LPIN2: variants seen among roughly 807,000 people sequenced by gnomAD.
LPIN2 encodes phosphatidate phosphatase LPIN2.
A neutral mutation model predicts 111.4 loss-of-function variants in LPIN2; 55 were observed. That is an observed-to-expected ratio of 0.49 (90% CI 0.40 to 0.62). The LOEUF (loss-of-function observed/expected upper bound fraction) is 0.62, where lower values mean the gene tolerates loss of function less well. LPIN2 is among the 20% of genes least tolerant of loss of function. The pLI, the probability that LPIN2 is intolerant of heterozygous loss-of-function variation, is 0.00. For missense variants in LPIN2, 992 were observed against 1,112.1 expected (o/e 0.89, Z 1.54); for synonymous variants, 425 against 414.0 (o/e 1.03, Z -0.32).
At chr18:2,994,038 T>C (rs550726136) in intron 1 of LPIN2, among the ~76,000 whole-genome samples, 2 of 152,308 alleles carry the variant, frequency 1.3e-5, no homozygotes, top group African/African-American at 4.8e-5. Flanking sequence ...CCAGCCAAAG[T>C]AGTTAAAACA....
At position 2,922,219 on chromosome 18, in the gene LPIN2, G is replaced by A; in HGVS notation, c.2175-20C>T. ...CCATTCCTGAAAGAAAACACACCCT[G>A]TTAGCCCACATGTTCTGGCTAAGGG... is the stretch of plus-strand genomic sequence containing the variant. On this transcript the variant is annotated intron_variant, in intron 16 of 19. Coordinates refer to ENST00000677752, the MANE Select transcript of LPIN2 (RefSeq NM_001375808.2). The A allele has an allele frequency of 6.2e-7, 1 of 1,612,902 alleles. No homozygotes were observed.
Position 2,935,776 on chromosome 18 carries a change from C to T in LPIN2, c.1169-1326G>A, listed in dbSNP as rs200538764. Among the ~76,000 whole-genome samples, 51 of 152,020 alleles carry T rather than the reference C, an allele frequency of 3.4e-4. No individual in the cohort carries two copies. The East Asian group carries it at 9.7e-3, about 29-fold the overall frequency. On this transcript the variant is annotated intron_variant, in intron 7 of 19. Transcript: ENST00000677752. ...TTTCAAATGTTTTATTAATAAAACA[C>T]TGTATGTGGATGAATGGAGAGATGT...
In LPIN2 at chr18:2,926,757, G is replaced by A; in HGVS notation, c.1759C>T (p.Leu587=). ...GKSEAPPASD[L]PSSSKEPAGA... is the part of the protein sequence containing the mutation. ...GCCGGCTCCTTGGAGCTGGATGGCA[G>A]GTCACTGGCTGGCGGTGCCTCAGAT... The change falls in exon 13 of 20, where the codon CTG becomes TTG. Residue 587 remains leucine (L), a synonymous_variant. Coordinates refer to ENST00000677752, the MANE Select transcript of LPIN2 (RefSeq NM_001375808.2). 6.2e-7 allele frequency: 1 copy of A among 1,613,698 alleles called. No individual in the cohort carries two copies. The highest frequency in any genetic ancestry group is 8.5e-7 in the Non-Finnish European group (1 of 1,180,006).
At chr18:2,958,166 A>AAAAAAAAAAAAAC (rs1568571302) in intron 2 of LPIN2, among the ~76,000 whole-genome samples, 4 of 146,090 alleles carry the variant, frequency 2.7e-5, no homozygotes, top group East Asian at 2.1e-4. Flanking sequence ...AACAACAAAA[A>AAAAAAAAAAAAAC]AAAAAAACAG....
Position 2,917,025 on chromosome 18 carries a change from A to C in LPIN2, c.*3268T>G, listed in dbSNP as rs2144092327. ...TTATGTTATGTTCGTTTATTGTTGT[A>C]ACATTTTGTTTTGAACATCAAACAC... On this transcript the variant is annotated 3_prime_UTR_variant, in exon 20 of 20. Coordinates refer to ENST00000677752, the MANE Select transcript of LPIN2 (RefSeq NM_001375808.2). The C allele has an allele frequency of 6.6e-6, 1 of 152,382 alleles. No individual in the cohort carries two copies. Among genetic ancestry groups the C allele is most frequent in the Non-Finnish European group, 1.5e-5 (1 of 68,038 alleles). The allele number at this position is 152,382 out of a possible 1,614,324, so 9.4% of individuals were successfully genotyped here.
chr18:2,960,872 G>A, intron 1 of LPIN2, 23 bp from the exon 2 acceptor site: 1 of 1,585,632 alleles, frequency 6.3e-7, no homozygotes, highest in Admixed American at 1.7e-5. Flanking sequence ...AAAATTAGAT[G>A]AGATGTTAAC....
At chr18:3,005,647 A>AGT (rs1170775491) in intron 1 of LPIN2, among the ~76,000 whole-genome samples, 5 of 150,494 alleles carry the variant, frequency 3.3e-5, no homozygotes, top group South Asian at 2.1e-4. Flanking sequence ...ACTGTACTCC[A>AGT]GCCTGGACAA....
At chr18:2,953,851 T>C (rs893758908) in intron 3 of LPIN2, among the ~76,000 whole-genome samples, 16 of 152,096 alleles carry the variant, frequency 1.1e-4, no homozygotes, top group Admixed American at 3.9e-4. Context: ...AATAAATAAA[T>C]AAATAAAAAG....
chr18:2,954,395 A>G, intron 3 of LPIN2, 109 bp downstream of exon 3: 1 of 769,666 alleles, frequency 1.3e-6, no homozygotes, highest in Admixed American at 1.9e-5. Flanking sequence ...CTTGCCAACA[A>G]CAGTCCTCTG....
At chr18:2,997,006 G>C (rs538182132) in intron 1 of LPIN2, among the ~76,000 whole-genome samples, 47 of 149,140 alleles carry the variant, frequency 3.2e-4, no homozygotes, top group African/African-American at 1.1e-3. Context: ...TTTTGAGACA[G>C]AGTCTCACTC....
At position 2,945,763 on chromosome 18, in the gene LPIN2, T is replaced by A. The variant is rs2077441632; in HGVS notation, c.591-5051A>T. 5 of 1,197,716 alleles carry A rather than the reference T, an allele frequency of 4.2e-6. No homozygotes were observed. The Admixed American group carries it at 8.4e-5, about 20-fold the overall frequency. The allele number at this position is 1,197,716 out of a possible 1,614,324, so 74.2% of individuals were successfully genotyped here. ...ACAATATGCGCATCTAACAATGTGC[T>A]ATTTGCTTCTACTCGACTAAGTTCT... On this transcript the variant is annotated intron_variant, in intron 4 of 19. Coordinates refer to ENST00000677752, the MANE Select transcript of LPIN2 (RefSeq NM_001375808.2).
chr18:2,963,942 A>G (rs2077749628), intron 1 of LPIN2, among the ~76,000 whole-genome samples: 1 of 151,850 alleles, frequency 6.6e-6, no homozygotes, highest in African/African-American at 2.4e-5. Context: ...AAACTTATAC[A>G]TTATTATCTC....
intron 5 of LPIN2, 135 bp from the exon 6 acceptor site, chr18:2,939,738 G>T: frequency 1.1e-6 from 1 of 879,006 alleles, no homozygotes; most frequent in Non-Finnish European, 1.8e-6. Flanking sequence ...ATGGAAGGGA[G>T]CATCAATTAT....
At position 2,919,751 on chromosome 18, in the gene LPIN2, A is replaced by G. The variant is rs58127367; in HGVS notation, c.*542T>C. On this transcript the variant is annotated 3_prime_UTR_variant, in exon 20 of 20. Transcript: ENST00000677752. Reference sequence around the variant, plus strand: ...CCTGCAGGGGCGGGGGTCCTGCCCAACTTGGCCCACTGGAGCAGCTGACCC... The same window carrying G: ...CCTGCAGGGGCGGGGGTCCTGCCCAGCTTGGCCCACTGGAGCAGCTGACCC... 3 of 181,454 alleles carry G rather than the reference A, an allele frequency of 1.7e-5. No homozygotes were observed. Among genetic ancestry groups the G allele is most frequent in the Non-Finnish European group, 3.5e-5 (3 of 84,714 alleles). The allele number at this position is 181,454 out of a possible 1,614,324, so 11.2% of individuals were successfully genotyped here.
chr18:2,982,784 A>T lies in LPIN2; in HGVS notation c.-9-21935T>A. 5 of 1,198,114 alleles carry T rather than the reference A, an allele frequency of 4.2e-6. No homozygotes were observed. The South Asian group carries it at 6.3e-5, about 15-fold the overall frequency. 74.2% of individuals were successfully genotyped at this position (1,198,114 alleles called of 1,614,324 possible). ...AAGTAAAACATCTTGAAATTTAACT[A>T]GCATGTCTTTTTTCAGAGATGAAGG... On this transcript the variant is annotated intron_variant, in intron 1 of 19. Transcript: ENST00000677752.
At chr18:2,929,976 G>A (rs546805717) in intron 9 of LPIN2, among the ~76,000 whole-genome samples, 35 of 152,048 alleles carry the variant, frequency 2.3e-4, no homozygotes, top group African/African-American at 8.4e-4. Context: ...AACAAAACAA[G>A]GCAAAACAAA....
intron 4 of LPIN2, chr18:2,945,687 A>G: frequency 2.3e-6 from 3 of 1,326,212 alleles, no homozygotes; most frequent in South Asian, 1.2e-5. Flanking sequence ...CTTTACATCA[A>G]TCACACCCCA....
At chr18:3,012,758 G>A (rs1017817334) in intron 1 of LPIN2, among the ~76,000 whole-genome samples, 2 of 152,028 alleles carry the variant, frequency 1.3e-5, no homozygotes, top group African/African-American at 4.8e-5. Flanking sequence ...GCGGCGGCGA[G>A]GGAACTGCGC....
At chr18:3,008,879 GTTTTT>G (rs76748358) in intron 1 of LPIN2, among the ~76,000 whole-genome samples, 4 of 123,294 alleles carry the variant, frequency 3.2e-5, no homozygotes, top group African/African-American at 1.3e-4. Flanking sequence ...CCACAGCTGT[GTTTTT>G]TTTTTTTTTT....
Sources: gnomAD v4.1 joint callset for allele counts (sites outside exome capture counted in the v4.1 genomes callset) on GRCh38, gnomAD v4.1.1 for gene constraint, MANE v1.5 for transcripts, NCBI Gene and HGNC (gene_info 2026-07-23, HGNC 2026-07-21) for gene names.